The following NPHP4 variants were observed in gnomAD, a reference collection of about 807,000 sequenced individuals.
NPHP4 encodes the protein nephrocystin-4.
Under a neutral mutation model 155.8 loss-of-function variants are expected in NPHP4, and 151 were observed. The observed-to-expected ratio is 0.97, with a 90% CI of 0.85 to 1.11. NPHP4 has a LOEUF of 1.11. NPHP4 is among the 50% of genes least tolerant of loss of function. NPHP4 has a pLI of 0.00. For synonymous variants in NPHP4, 845 were observed against 816.8 expected, an observed-to-expected ratio of 1.03 and a Z score of -0.59; for missense variants, 1,956 against 1,925.7, an observed-to-expected ratio of 1.02 and a Z score of -0.29.
At position 5,887,283 on chromosome 1, in the gene NPHP4, T is replaced by C. The variant is rs1643873881; in HGVS notation, c.2485+3A>G. Reference sequence around the variant, plus strand: ...GAAATGGCACAAGGCTGGGGACTCTTACCCACGTTGGCCAAAGTCAGGTGC... The same window carrying C: ...GAAATGGCACAAGGCTGGGGACTCTCACCCACGTTGGCCAAAGTCAGGTGC... On this transcript the variant is annotated splice_donor_region_variant and intron_variant, in intron 18 of 29. Transcript: ENST00000378156. 6.2e-7 allele frequency: 1 copy of C among 1,611,392 alleles called. No individual in the cohort carries two copies. The highest frequency in any genetic ancestry group is 8.5e-7 in the Non-Finnish European group (1 of 1,179,014).
intron 18 of NPHP4, among the ~76,000 whole-genome samples, chr1:5,885,768 C>T (rs1007561753): frequency 2.6e-5 from 4 of 152,222 alleles, no homozygotes; most frequent in African/African-American, 4.8e-5. Context: ...AGCAGAGAGA[C>T]GCCTACTGTA....
At position 5,904,708 on chromosome 1, in the gene NPHP4, C is replaced by A. The variant is rs759762099; in HGVS notation, c.2052G>T (p.Gln684His). ...GGCCGGCCTCATCCAGCTGGACCAGCTGCAGTCGTGGCGTCGTTGCGGGTG... is the reference window on the plus strand; with the variant it reads ...GGCCGGCCTCATCCAGCTGGACCAGATGCAGTCGTGGCGTCGTTGCGGGTG... ...RFPPATTPRL[Q>H]LVQLDEAGQP... The change falls in exon 16 of 30, where the codon CAG (glutamine) becomes CAT (histidine). Residue 684 changes from glutamine (Q) to histidine (H), a missense_variant. Coordinates refer to ENST00000378156, the MANE Select transcript of NPHP4 (RefSeq NM_015102.5). The A allele has an allele frequency of 6.2e-7, 1 of 1,614,052 alleles. No individual in the cohort carries two copies.
intron 3 of NPHP4, 62 bp from the exon 4 acceptor site, chr1:5,969,321 C>T (rs1043062836): frequency 8.7e-5 from 102 of 1,179,046 alleles, no homozygotes; most frequent in Admixed American, 1.6e-4. Context: ...AGGACATGGG[C>T]GCTGTCCCCA....
At chr1:5,968,953 G>A (rs941159460) in intron 4 of NPHP4, 134 bp downstream of exon 4, 32 of 555,016 alleles carry the variant, frequency 5.8e-5, no homozygotes, top group Admixed American at 9.2e-5. Flanking sequence ...CTCGAACCCA[G>A]GAAGCGGAGG....
Position 5,961,788 on chromosome 1 carries a change from C to G in NPHP4, c.673+6G>C. On this transcript the variant is annotated splice_donor_region_variant and intron_variant, in intron 6 of 29. Transcript: ENST00000378156. Reference sequence around the variant, plus strand: ...ACCAAGTGGAGAGAATCAAAGACGCCCTTACCGGATTCTCCATGAGCTGGA... The same window carrying G: ...ACCAAGTGGAGAGAATCAAAGACGCGCTTACCGGATTCTCCATGAGCTGGA... 2 of 1,609,292 alleles carry G rather than the reference C, an allele frequency of 1.2e-6. No individual in the cohort carries two copies. The highest frequency in any genetic ancestry group is 8.5e-7 in the Non-Finnish European group (1 of 1,177,786).
chr1:5,872,419 C>T (rs1412920995), intron 23 of NPHP4, among the ~76,000 whole-genome samples: 3 of 152,152 alleles, frequency 2.0e-5, no homozygotes, highest in African/African-American at 7.2e-5. Context: ...GGCAACAGGA[C>T]GCGATGGCTG....
intron 6 of NPHP4, among the ~76,000 whole-genome samples, chr1:5,954,384 T>C (rs7555293): frequency 0.23 from 35,489 of 152,170 alleles, 5,074 homozygotes; most frequent in African/African-American, 0.4. Flanking sequence ...CTGATAGCGA[T>C]GGTATTTAAA....
chr1:5,982,136 A>C (rs559089299), intron 2 of NPHP4, among the ~76,000 whole-genome samples: 1 of 151,950 alleles, frequency 6.6e-6, no homozygotes, highest in South Asian at 2.1e-4. Flanking sequence ...CAATTTTATC[A>C]ATCTTTTCAG....
intron 2 of NPHP4, among the ~76,000 whole-genome samples, chr1:5,981,497 A>G (rs1006676643): frequency 7.2e-5 from 11 of 152,236 alleles, no homozygotes; most frequent in African/African-American, 2.4e-4. Flanking sequence ...TAAATGGGAC[A>G]GTAAAAGAAA....
At chr1:5,947,313 G>A in intron 8 of NPHP4, 83 bp from the exon 9 acceptor site, 2 of 1,495,010 alleles carry the variant, frequency 1.3e-6, no homozygotes, top group Non-Finnish European at 1.8e-6. Flanking sequence ...TGTCAGAACA[G>A]TCAAGGGGAC....
At chr1:5,949,733 C>T (rs115695822) in intron 7 of NPHP4, among the ~76,000 whole-genome samples, 2,283 of 152,172 alleles carry the variant, frequency 0.015, 58 homozygotes, top group African/African-American at 0.053. Flanking sequence ...CAGCTACATG[C>T]TCCAGGACCC....
chr1:5,863,582 T>G (rs1375167356), intron 29 of NPHP4, 177 bp from the exon 30 acceptor site: 5 of 711,200 alleles, frequency 7.0e-6, no homozygotes, highest in South Asian at 3.6e-5. Flanking sequence ...TGGGAACCAG[T>G]GCTCAGCCAG....
At chr1:5,934,815 A>T (rs1646452717) in intron 9 of NPHP4, among the ~76,000 whole-genome samples, 1 of 152,180 alleles carries the variant, frequency 6.6e-6, no homozygotes, top group African/African-American at 2.4e-5. Context: ...TCCACCAGGA[A>T]CAGAGACACC....
intron 7 of NPHP4, among the ~76,000 whole-genome samples, chr1:5,951,508 C>T (rs772054995): frequency 6.6e-6 from 1 of 152,204 alleles, no homozygotes; most frequent in East Asian, 1.9e-4. Flanking sequence ...GGGCTGACCC[C>T]TCTTCTCCCT....
intron 27 of NPHP4, 191 bp downstream of exon 27, chr1:5,864,911 G>A (rs554409110): frequency 1.3e-5 from 8 of 607,166 alleles, no homozygotes; most frequent in Admixed American, 5.6e-5. Flanking sequence ...TGGTGTGTAC[G>A]TCACTCACCC....
At position 5,948,260 on chromosome 1, in the gene NPHP4, G is replaced by A; in HGVS notation, c.811-9C>T. The A allele has an allele frequency of 6.5e-7, 1 of 1,546,004 alleles. No individual in the cohort carries two copies. The highest frequency in any genetic ancestry group is 8.7e-7 in the Non-Finnish European group (1 of 1,148,254). On this transcript the variant is annotated splice_polypyrimidine_tract_variant and intron_variant, in intron 7 of 29. Transcript: ENST00000378156. ...TCCAGTGGGCCACATCCCTGGAAGA[G>A]GCACAGAAGGAATGAGCCCCGGCAC...
rs75504751 is a variant in NPHP4, at chr1:5,967,533, G to A, written c.453-170C>T. Reference sequence around the variant, plus strand: ...GAGGCCAGCAGCAGCTCCCCAAGCCGTTGGTGCTTGTGGCCAAGCATGTCT... The same window carrying A: ...GAGGCCAGCAGCAGCTCCCCAAGCCATTGGTGCTTGTGGCCAAGCATGTCT... On this transcript the variant is annotated intron_variant, in intron 4 of 29. Transcript: ENST00000378156. 0.045 allele frequency among the ~76,000 whole-genome samples: 6,873 copies of A among 152,348 alleles called. 241 individuals carry two copies. Among genetic ancestry groups the A allele is most frequent in the Non-Finnish European group, 0.069 (4,679 of 68,032 alleles).
At chr1:5,927,580 T>C in intron 11 of NPHP4, 69 bp downstream of exon 11, 2 of 1,506,950 alleles carry the variant, frequency 1.3e-6, no homozygotes, top group South Asian at 1.2e-5. Context: ...ACTAAGTACC[T>C]TTCCCCGGGA....
At chr1:5,864,135 G>A (rs1640935277) in intron 28 of NPHP4, 102 bp from the exon 29 acceptor site, 1 of 1,335,222 alleles carries the variant, frequency 7.5e-7, no homozygotes, top group African/African-American at 1.4e-5. Flanking sequence ...CGTGCACGGG[G>A]ACCCCCACAG....
Sources: allele counts gnomAD v4.1 joint callset (sites outside exome capture counted in the v4.1 genomes callset), GRCh38; gene constraint gnomAD v4.1.1; transcripts MANE v1.5; gene names NCBI Gene and HGNC (gene_info 2026-07-23, HGNC 2026-07-21).